Variants in RNF24 observed in about 807,000 individuals in gnomAD.
RNF24 encodes ring finger protein 24.
RNF24 carries 14 observed loss-of-function variants against 20.0 expected under a neutral mutation model. The ratio of observed to expected loss-of-function variants is 0.70; its 90% CI spans 0.46 to 1.10. The LOEUF (loss-of-function observed/expected upper bound fraction) is 1.10. RNF24 is among the 50% of genes least tolerant of loss of function. The pLI is 0.00. For missense variants in RNF24, 124 were observed against 177.6 expected, an observed-to-expected ratio of 0.70 and a Z score of 1.71; for synonymous variants, 45 against 61.1, an observed-to-expected ratio of 0.74 and a Z score of 1.23.
At chr20:3,963,499 AC>A (rs1372659705) in intron 2 of RNF24, among the ~76,000 whole-genome samples, 1 of 152,240 alleles carries the variant, frequency 6.6e-6, no homozygotes, top group African/African-American at 2.4e-5. Context: ...AGCCTTCCCT[AC>A]TTTTCTGATA....
intron 2 of RNF24, among the ~76,000 whole-genome samples, chr20:3,961,089 G>C (rs187687492): frequency 6.6e-6 from 1 of 152,086 alleles, no homozygotes; most frequent in Admixed American, 6.6e-5. Context: ...CACTGCACCC[G>C]GCCTGTTAGG....
intron 4 of RNF24, among the ~76,000 whole-genome samples, chr20:3,943,415 C>T (rs2090980822): frequency 6.6e-6 from 1 of 151,628 alleles, no homozygotes; most frequent in African/African-American, 2.4e-5. Flanking sequence ...GGAAGAATCA[C>T]ACTGCCTGAT....
intron 1 of RNF24, among the ~76,000 whole-genome samples, chr20:4,002,542 C>A (rs1352021279): frequency 6.6e-6 from 1 of 152,098 alleles, no homozygotes; most frequent in South Asian, 2.1e-4. Context: ...AAAAGAAGAA[C>A]CTCACTAGCA....
chr20:4,001,925 C>T (rs2103659), intron 1 of RNF24, among the ~76,000 whole-genome samples: 106,847 of 151,566 alleles, frequency 0.7, 37,861 homozygotes, highest in South Asian at 0.81. Flanking sequence ...CTAGCCTGGG[C>T]GACAGTGAGA....
chr20:3,974,431 TA>T, intron 1 of RNF24: 3 of 1,526,206 alleles, frequency 2.0e-6, no homozygotes, highest in Non-Finnish European at 2.6e-6. Context: ...GAAAAGGGAA[TA>T]AAAGGCATAC....
chr20:3,949,895 G>A (rs1300111457), intron 2 of RNF24, among the ~76,000 whole-genome samples: 1 of 152,162 alleles, frequency 6.6e-6, no homozygotes. Context: ...TCCTGAGTAT[G>A]TTGTGAAAAC....
At chr20:4,008,940 C>A (rs1292456765) in intron 1 of RNF24, among the ~76,000 whole-genome samples, 1 of 152,086 alleles carries the variant, frequency 6.6e-6, no homozygotes, top group Non-Finnish European at 1.5e-5. Flanking sequence ...TGTTTCAATT[C>A]TTAAGTGTAG....
chr20:3,973,095 C>T (rs554444061), intron 1 of RNF24, among the ~76,000 whole-genome samples: 24 of 151,730 alleles, frequency 1.6e-4, no homozygotes, highest in Non-Finnish European at 2.4e-4. Context: ...CCCAGCTACT[C>T]GGGAGGCTGA....
At chr20:3,992,663 T>C (rs1367023639) in intron 1 of RNF24, among the ~76,000 whole-genome samples, 14 of 151,946 alleles carry the variant, frequency 9.2e-5, no homozygotes, top group Admixed American at 9.2e-4. Flanking sequence ...GACTGGACAT[T>C]GTATCTCTCT....
rs201982152 is a variant in RNF24 at position 3,928,233 on chromosome 20, G to GTGA, written c.*5827_*5829dup. On this transcript the variant is annotated 3_prime_UTR_variant, in exon 6 of 6. Coordinates refer to ENST00000358395, the MANE Select transcript of RNF24 (RefSeq NM_001134337.3). ...TTCTACAAATGCCAGAAGAGTGGAT[G>GTGA]TGATAGAGAATTTTTTCTCAAGTTT... 6.6e-6 allele frequency: 1 copy of GTGA among 152,248 alleles called. No individual in the cohort carries two copies. The highest frequency in any genetic ancestry group is 2.4e-5 in the African/African-American group (1 of 41,456). The allele number at this position is 152,248 out of a possible 1,614,324, so 9.4% of individuals were successfully genotyped here.
At chr20:3,945,543 T>C (rs2091005896) in intron 3 of RNF24, among the ~76,000 whole-genome samples, 1 of 151,982 alleles carries the variant, frequency 6.6e-6, no homozygotes, top group Non-Finnish European at 1.5e-5. Context: ...AGTGAAACCC[T>C]GTCTCTACTA....
At chr20:3,948,687 AC>A (rs1191721721) in intron 2 of RNF24, among the ~76,000 whole-genome samples, 1 of 152,190 alleles carries the variant, frequency 6.6e-6, no homozygotes, top group East Asian at 1.9e-4. Context: ...TTTCCAGCAC[AC>A]CTGAGCCCTC....
At chr20:3,968,257 G>C (rs1303691346) in intron 1 of RNF24, among the ~76,000 whole-genome samples, 4 of 151,154 alleles carry the variant, frequency 2.6e-5, no homozygotes, top group African/African-American at 9.7e-5. Flanking sequence ...AGCTGAGATC[G>C]CACCATTGCA....
chr20:3,963,507 G>A (rs968396738), intron 2 of RNF24, among the ~76,000 whole-genome samples: 1 of 152,114 alleles, frequency 6.6e-6, no homozygotes, highest in Non-Finnish European at 1.5e-5. Flanking sequence ...CTACTTTTCT[G>A]ATACCTAATG....
chr20:3,996,864 G>A (rs76768356), intron 1 of RNF24, among the ~76,000 whole-genome samples: 3,172 of 152,206 alleles, frequency 0.021, 31 homozygotes, highest in Non-Finnish European at 0.033. Context: ...GGAGTAAGTG[G>A]TAAAATGTCC....
intron 1 of RNF24, among the ~76,000 whole-genome samples, chr20:3,987,095 C>T (rs1362839763): frequency 1.3e-5 from 2 of 152,308 alleles, no homozygotes; most frequent in East Asian, 3.9e-4. Context: ...AAAGAATCTG[C>T]TAATCAACAT....
intron 1 of RNF24, 45 bp from the exon 2 acceptor site, chr20:3,964,069 G>C (rs2091232402): frequency 6.4e-6 from 10 of 1,565,334 alleles, no homozygotes; most frequent in Non-Finnish European, 8.8e-6. Context: ...TAAAGACTAA[G>C]AACCAAGACA....
At chr20:3,949,328 C>T (rs988130119) in intron 2 of RNF24, among the ~76,000 whole-genome samples, 1 of 151,074 alleles carries the variant, frequency 6.6e-6, no homozygotes, top group African/African-American at 2.4e-5. Flanking sequence ...TGCAGTGAGC[C>T]GAGATCATGC....
chr20:3,935,538 A>G (rs1408687744), intron 4 of RNF24, among the ~76,000 whole-genome samples: 1 of 152,252 alleles, frequency 6.6e-6, no homozygotes, highest in Non-Finnish European at 1.5e-5. Context: ...CACAGCTTGC[A>G]GTAACATGCT....
Sources: allele counts gnomAD v4.1 joint callset (sites outside exome capture counted in the v4.1 genomes callset), GRCh38; gene constraint gnomAD v4.1.1; transcripts MANE v1.5; gene names NCBI Gene and HGNC (gene_info 2026-07-23, HGNC 2026-07-21).